SLC9A8: variants seen among roughly 807,000 people sequenced by gnomAD.
SLC9A8 encodes the protein sodium/hydrogen exchanger 8.
SLC9A8 carries 48 observed loss-of-function variants against 66.6 expected under a neutral mutation model. The observed-to-expected ratio is 0.72, with a 90% CI of 0.57 to 0.92. The LOEUF (loss-of-function observed/expected upper bound fraction) is 0.92, where lower values mean the gene tolerates loss of function less well. Ranked by LOEUF, SLC9A8 falls within the 40% of genes least tolerant of loss-of-function variation. The pLI, the probability that SLC9A8 is intolerant of heterozygous loss-of-function variation, is 0.00. For synonymous variants in SLC9A8, 274 were observed against 282.6 expected, an observed-to-expected ratio of 0.97 and a Z score of 0.31; for missense variants, 599 against 747.3, an observed-to-expected ratio of 0.80 and a Z score of 2.31.
chr20:49,832,558 A>G (rs1415166799), intron 3 of SLC9A8, among the ~76,000 whole-genome samples: 3 of 152,222 alleles, frequency 2.0e-5, no homozygotes, highest in Non-Finnish European at 1.5e-5. Flanking sequence ...GGTGGAATGT[A>G]TATTATAAGG....
chr20:49,838,319 C>A (rs962512130), intron 3 of SLC9A8, among the ~76,000 whole-genome samples: 1 of 152,140 alleles, frequency 6.6e-6, no homozygotes, highest in Non-Finnish European at 1.5e-5. Context: ...TAATTACAAC[C>A]TGAAAAAATA....
chr20:49,824,470 C>G (rs2086847619), intron 3 of SLC9A8, among the ~76,000 whole-genome samples: 1 of 152,176 alleles, frequency 6.6e-6, no homozygotes, highest in Non-Finnish European at 1.5e-5. Context: ...AAGAACTACT[C>G]CAAGGAATTT....
At chr20:49,874,002 C>T (rs1432642512) in intron 10 of SLC9A8, among the ~76,000 whole-genome samples, 1 of 152,014 alleles carries the variant, frequency 6.6e-6, no homozygotes, top group East Asian at 1.9e-4. Flanking sequence ...GTAATCCCAG[C>T]ACTTTGGGAG....
intron 5 of SLC9A8, 33 bp from the exon 6 acceptor site, chr20:49,849,546 A>G (rs370126443): frequency 1.3e-6 from 2 of 1,545,874 alleles, no homozygotes; most frequent in African/African-American, 1.4e-5. Flanking sequence ...TGGCTTTTCT[A>G]ATCATTTCCC....
intron 2 of SLC9A8, among the ~76,000 whole-genome samples, chr20:49,817,712 A>T (rs6012753): frequency 0.67 from 101,750 of 151,974 alleles, 35,384 homozygotes; most frequent in African/African-American, 0.86. Flanking sequence ...TTAGAAACTT[A>T]TAAACCGATA....
chr20:49,824,725 C>T (rs995800595), intron 3 of SLC9A8, among the ~76,000 whole-genome samples: 1 of 152,166 alleles, frequency 6.6e-6, no homozygotes, highest in Admixed American at 6.6e-5. Flanking sequence ...CCCCCTTCTT[C>T]CTTGAAAATA....
In SLC9A8 at chr20:49,830,208, A is replaced by G. The variant is rs546262492; in HGVS notation, c.289+7067A>G. 2.3e-5 allele frequency: 19 copies of G among 819,012 alleles called. No individual in the cohort carries two copies. In the African/African-American group the frequency reaches 2.7e-4, roughly 12 times the overall value. The allele number at this position is 819,012 out of a possible 1,614,324, so 50.7% of individuals were successfully genotyped here. ...CCGGGCAGCTGACAGCACGGCCGTG[A>G]ATGGCAGCATCACAGACAAAAAGAT... is the stretch of plus-strand genomic sequence containing the variant. On this transcript the variant is annotated intron_variant, in intron 3 of 15. Transcript: ENST00000361573.
chr20:49,826,601 G>A (rs1290487381), intron 3 of SLC9A8, among the ~76,000 whole-genome samples: 1 of 152,168 alleles, frequency 6.6e-6, no homozygotes, highest in Non-Finnish European at 1.5e-5. Flanking sequence ...TTAAATGAGT[G>A]TCTGTCTGGC....
intron 3 of SLC9A8, chr20:49,831,059 G>T (rs191847545): frequency 1.6e-5 from 11 of 708,034 alleles, no homozygotes; most frequent in Non-Finnish European, 2.6e-5. Flanking sequence ...CAATATGTCC[G>T]CTGTGTCCTG....
chr20:49,815,094 C>G lies in SLC9A8; in HGVS notation c.113C>G (p.Pro38Arg), dbSNP rs776437567. ...ACGACGAAACTGGTGCTCCCGACCCCTGGCAAGCCCATCCTCCCCGTGCAG... is the reference window on the plus strand; with the variant it reads ...ACGACGAAACTGGTGCTCCCGACCCGTGGCAAGCCCATCCTCCCCGTGCAG... ...VVTTKLVLPT[P>R]GKPILPVQTG... The change falls in exon 2 of 16, where the codon CCT becomes CGT. Residue 38 changes from proline (P) to arginine (R), a missense_variant. Transcript: ENST00000361573. 6.2e-7 allele frequency: 1 copy of G among 1,609,164 alleles called. No individual in the cohort carries two copies. The highest frequency in any genetic ancestry group is 1.3e-5 in the African/African-American group (1 of 74,822).
chr20:49,856,367 A>G (rs2088483366), intron 8 of SLC9A8, among the ~76,000 whole-genome samples: 1 of 152,182 alleles, frequency 6.6e-6, no homozygotes, highest in African/African-American at 2.4e-5. Context: ...CTTCCTTTTC[A>G]CAGCTTTAAA....
intron 13 of SLC9A8, among the ~76,000 whole-genome samples, chr20:49,881,971 G>A (rs1447279941): frequency 5.3e-5 from 8 of 152,062 alleles, no homozygotes; most frequent in Admixed American, 5.2e-4. Flanking sequence ...TTGAAATGGC[G>A]GGGGCTGTCG....
In SLC9A8 at chr20:49,890,382, G is replaced by A. The variant is rs749455840; in HGVS notation, c.*2446G>A. On this transcript the variant is annotated 3_prime_UTR_variant, in exon 16 of 16. Coordinates refer to ENST00000361573, the MANE Select transcript of SLC9A8 (RefSeq NM_015266.3). ...GAATGCATAGAAGATATAAAAATAC[G>A]CAGCTTAACTATATCTTCCTGCGTG... is the stretch of plus-strand genomic sequence containing the variant. 4 of 152,132 alleles carry A rather than the reference G, an allele frequency of 2.6e-5. No individual in the cohort carries two copies. The highest frequency in any genetic ancestry group is 5.9e-5 in the Non-Finnish European group (4 of 68,028). The allele number at this position is 152,132 out of a possible 1,614,324, so 9.4% of individuals were successfully genotyped here.
rs150331791 is a variant in SLC9A8 at position 49,857,443 on chromosome 20, C to T, written c.713+1862C>T. ...TTAAATAAGGTACTACAGGGCTGGG[C>T]GCGGTGGCTCACGCCTGTAATCCCA... On this transcript the variant is annotated intron_variant, in intron 8 of 15. Coordinates refer to ENST00000361573, the MANE Select transcript of SLC9A8 (RefSeq NM_015266.3). Among the ~76,000 whole-genome samples the T allele has an allele frequency of 2.5e-3, 379 of 152,292 alleles. 3 individuals carry two copies. Among genetic ancestry groups the T allele is most frequent in the Middle Eastern group, 3.4e-3 (1 of 294 alleles).
intron 11 of SLC9A8, 26 bp downstream of exon 11, chr20:49,874,847 G>C: frequency 6.9e-7 from 1 of 1,453,778 alleles, no homozygotes; most frequent in Non-Finnish European, 9.7e-7. Context: ...GTGTGGCCGT[G>C]AGCAGGCCCA....
rs6012763 is a variant in SLC9A8 at position 49,886,811 on chromosome 20, C to T, written c.1551C>T (p.His517=). 1 of 1,614,206 alleles carries T rather than the reference C, an allele frequency of 6.2e-7. No homozygotes were observed. Among genetic ancestry groups the T allele is most frequent in the Non-Finnish European group, 8.5e-7 (1 of 1,180,024 alleles). ...TCACGGAGGAGGAGTACGAGGCCCA[C>T]TACATCAGGCGGCAGGACCTTAAGG... ...SELTEEEYEA[H]YIRRQDLKGF... The change falls in exon 15 of 16, where the codon CAC becomes CAT. Residue 517 remains histidine, a synonymous_variant. Coordinates refer to ENST00000361573, the MANE Select transcript of SLC9A8 (RefSeq NM_015266.3). This position sits in a 1 kb window ranked among gnomAD's most constrained non-coding sequence, Gnocchi z 4.8.
At chr20:49,834,336 T>C (rs1408805421) in intron 3 of SLC9A8, among the ~76,000 whole-genome samples, 1 of 68,538 alleles carries the variant, frequency 1.5e-5, no homozygotes, top group Non-Finnish European at 2.8e-5. Context: ...ATACTGTGTA[T>C]ATATATATAT....
intron 10 of SLC9A8, among the ~76,000 whole-genome samples, chr20:49,869,525 A>G (rs1159754766): frequency 1.4e-5 from 2 of 146,306 alleles, no homozygotes; most frequent in Admixed American, 6.8e-5. Flanking sequence ...CCCGGCCAAC[A>G]TAACACTTTC....
chr20:49,815,206 T>C lies in SLC9A8; in HGVS notation c.208+17T>C. On this transcript the variant is annotated intron_variant, in intron 2 of 15. Coordinates refer to ENST00000361573, the MANE Select transcript of SLC9A8 (RefSeq NM_015266.3). Reference sequence around the variant, plus strand: ...TTGTCCTAGGTGAATATGGACACTGTCATCCCCATCATCTGCCATCCCGTG... The same window carrying C: ...TTGTCCTAGGTGAATATGGACACTGCCATCCCCATCATCTGCCATCCCGTG... 6.7e-7 allele frequency: 1 copy of C among 1,497,776 alleles called. No homozygotes were observed. Among genetic ancestry groups the C allele is most frequent in the Non-Finnish European group, 8.9e-7 (1 of 1,118,588 alleles). The allele number at this position is 1,497,776 out of a possible 1,614,324, so 92.8% of individuals were successfully genotyped here. A position where few individuals can be genotyped will look rare whatever the true frequency, so the allele number is the denominator to read the frequency against.
Sources: allele counts gnomAD v4.1 joint callset (sites outside exome capture counted in the v4.1 genomes callset), GRCh38; gene constraint gnomAD v4.1.1; non-coding constraint Gnocchi (gnomAD v3.1); transcripts MANE v1.5; gene names NCBI Gene and HGNC (gene_info 2026-07-23, HGNC 2026-07-21).